Variants in CNTLN observed in about 807,000 individuals in gnomAD.
The protein encoded by CNTLN is centlein, centrosomal protein.
In CNTLN, 212 loss-of-function variants were observed where a neutral mutation model predicts 180.0. That is an observed-to-expected ratio of 1.18 (90% CI 1.05 to 1.32). The LOEUF (loss-of-function observed/expected upper bound fraction) is 1.32, where lower values mean the gene tolerates loss of function less well. CNTLN is among the 40% of genes most tolerant of loss of function. CNTLN has a pLI of 0.00. For missense variants in CNTLN, 2,095 were observed against 1,610.9 expected, an observed-to-expected ratio of 1.30 and a Z score of -5.14; for synonymous variants, 722 against 563.1, an observed-to-expected ratio of 1.28 and a Z score of -3.99.
chr9:17,322,023 A>G (rs1284857165), intron 8 of CNTLN, among the ~76,000 whole-genome samples: 1 of 152,192 alleles, frequency 6.6e-6, no homozygotes, highest in African/African-American at 2.4e-5. Context: ...GTGTAAACTT[A>G]ATTTGAAAAG....
chr9:17,322,169 A>G (rs1819959403), intron 8 of CNTLN, among the ~76,000 whole-genome samples: 1 of 152,110 alleles, frequency 6.6e-6, no homozygotes, highest in African/African-American at 2.4e-5. Flanking sequence ...TATATGGGAA[A>G]TGATTTTTGG....
Position 17,135,040 on chromosome 9 carries a change from A to T in CNTLN, c.-26A>T, listed in dbSNP as rs752849337. On this transcript the variant is annotated 5_prime_UTR_variant, in exon 1 of 26. Transcript: ENST00000380647. ...AAGGGAGGTGGAGTTTCCAACAGGG[A>T]ACTTGACCCGTTAGCAGCCGCAGCC... 1.3e-5 allele frequency: 20 copies of T among 1,583,412 alleles called. No homozygotes were observed. Among genetic ancestry groups the T allele is most frequent in the Admixed American group, 1.7e-5 (1 of 58,364 alleles).
intron 2 of CNTLN, among the ~76,000 whole-genome samples, chr9:17,187,564 T>C (rs1821510321): frequency 6.6e-6 from 1 of 152,020 alleles, no homozygotes; most frequent in African/African-American, 2.4e-5. Context: ...GCAAATAAAT[T>C]ATTTACTTTT....
intron 2 of CNTLN, among the ~76,000 whole-genome samples, chr9:17,176,453 G>C (rs545352514): frequency 6.6e-6 from 1 of 152,120 alleles, no homozygotes; most frequent in African/African-American, 2.4e-5. Context: ...TCACTTGGTC[G>C]TGGAGTACAA....
At chr9:17,497,479 A>G (rs1184043171) in intron 25 of CNTLN, among the ~76,000 whole-genome samples, 1 of 152,198 alleles carries the variant, frequency 6.6e-6, no homozygotes, top group African/African-American at 2.4e-5. Flanking sequence ...GTTACCAAGC[A>G]TCTCCCCAAC....
At chr9:17,230,292 T>C (rs1266774821) in intron 3 of CNTLN, among the ~76,000 whole-genome samples, 2 of 152,186 alleles carry the variant, frequency 1.3e-5, no homozygotes, top group Non-Finnish European at 2.9e-5. Flanking sequence ...TACAGTTAGC[T>C]ACCTACAGAG....
At chr9:17,192,394 G>A (rs369628207) in intron 2 of CNTLN, among the ~76,000 whole-genome samples, 1 of 151,606 alleles carries the variant, frequency 6.6e-6, no homozygotes, top group Admixed American at 6.6e-5. Context: ...GCCTGCCACC[G>A]TGCCCGGCTA....
chr9:17,211,420 G>A (rs1823300080), intron 2 of CNTLN, among the ~76,000 whole-genome samples: 1 of 152,078 alleles, frequency 6.6e-6, no homozygotes, highest in African/African-American at 2.4e-5. Context: ...TGATATCTCT[G>A]TTTTGGTACC....
intron 24 of CNTLN, among the ~76,000 whole-genome samples, chr9:17,484,848 G>A (rs1339362415): frequency 6.6e-6 from 1 of 151,882 alleles, no homozygotes; most frequent in Admixed American, 6.6e-5. Flanking sequence ...TTGATTTGAA[G>A]TTTTTTTCTC....
intron 13 of CNTLN, among the ~76,000 whole-genome samples, chr9:17,376,366 A>G (rs907943125): frequency 6.6e-6 from 1 of 152,128 alleles, no homozygotes; most frequent in African/African-American, 2.4e-5. Flanking sequence ...AGCAAAGAAA[A>G]AACTAGTTCA....
chr9:17,495,237 A>T (rs1833390166), intron 25 of CNTLN, among the ~76,000 whole-genome samples: 1 of 152,078 alleles, frequency 6.6e-6, no homozygotes, highest in African/African-American at 2.4e-5. Flanking sequence ...TATTAAAAAA[A>T]AAAACTTAAC....
chr9:17,504,028 T>C (rs1395934104), downstream of CNTLN: 2 of 152,420 alleles, frequency 1.3e-5, no homozygotes, highest in Non-Finnish European at 2.9e-5. Flanking sequence ...CTGCTTGGAA[T>C]GCTACAGATA....
chr9:17,409,368 G>A lies in CNTLN; in HGVS notation c.2691G>A (p.Thr897=), dbSNP rs2780211. The A allele has an allele frequency of 0.89, 1,440,592 of 1,613,150 alleles. 644,715 individuals carry two copies. The highest frequency in any genetic ancestry group is 0.91 in the Non-Finnish European group (1,072,598 of 1,179,536). Residue 897 remains threonine, a synonymous_variant, in exon 16 of 26, where the codon ACG becomes ACA. Coordinates refer to ENST00000380647, the MANE Select transcript of CNTLN (RefSeq NM_017738.4). ...IVETSQKISP[T]EDGKDQKESD... is the part of the protein sequence containing the mutation. ...AAACATCCCAGAAAATAAGTCCTAC[G>A]GAAGATGGAAAAGACCAGAAAGAAA...
chr9:17,246,371 GTTCTC>G (rs1825796299), intron 5 of CNTLN, among the ~76,000 whole-genome samples: 1 of 152,108 alleles, frequency 6.6e-6, no homozygotes, highest in East Asian at 1.9e-4. Flanking sequence ...AGAGACTCTT[GTTCTC>G]TTCCCTTACT....
intron 2 of CNTLN, among the ~76,000 whole-genome samples, chr9:17,199,451 T>C (rs933817304): frequency 6.6e-6 from 1 of 152,166 alleles, no homozygotes; most frequent in Admixed American, 6.6e-5. Context: ...GACCTCGTGA[T>C]CCACCCTCCT....
chr9:17,441,264 C>T (rs1360566858), intron 18 of CNTLN, among the ~76,000 whole-genome samples: 2 of 152,024 alleles, frequency 1.3e-5, no homozygotes, highest in Non-Finnish European at 2.9e-5. Context: ...TACTTAAAAG[C>T]ATGTGAAAGT....
intron 25 of CNTLN, among the ~76,000 whole-genome samples, chr9:17,494,171 C>T (rs955423543): frequency 1.3e-5 from 2 of 152,208 alleles, no homozygotes; most frequent in South Asian, 2.1e-4. Context: ...AGTGATTTCT[C>T]ATGTTTAATT....
chr9:17,398,868 C>G (rs1408257300), intron 15 of CNTLN, among the ~76,000 whole-genome samples: 1 of 152,146 alleles, frequency 6.6e-6, no homozygotes, highest in Non-Finnish European at 1.5e-5. Flanking sequence ...ACAAGAAAAG[C>G]TCTCTTATCT....
intron 6 of CNTLN, among the ~76,000 whole-genome samples, chr9:17,293,071 C>G (rs1036988294): frequency 6.6e-6 from 1 of 152,232 alleles, no homozygotes; most frequent in Non-Finnish European, 1.5e-5. Context: ...ACCCTATTCA[C>G]TTGGGTCCCT....
Sources: allele counts gnomAD v4.1 joint callset (sites outside exome capture counted in the v4.1 genomes callset), GRCh38; gene constraint gnomAD v4.1.1; transcripts MANE v1.5; gene names NCBI Gene and HGNC (gene_info 2026-07-23, HGNC 2026-07-21).